Variants in ADAM12 observed in about 807,000 individuals in gnomAD.
The protein encoded by ADAM12 is disintegrin and metalloproteinase domain-containing protein 12.
A neutral mutation model predicts 106.4 loss-of-function variants in ADAM12; 70 were observed. The ratio of observed to expected loss-of-function variants is 0.66; its 90% CI spans 0.54 to 0.80. ADAM12 has a LOEUF of 0.80. ADAM12 is among the 30% of genes least tolerant of loss of function. The pLI, the probability that ADAM12 is intolerant of heterozygous loss-of-function variation, is 0.00. For synonymous variants in ADAM12, 420 were observed against 433.5 expected, an observed-to-expected ratio of 0.97 and a Z score of 0.39; for missense variants, 1,010 against 1,171.9, an observed-to-expected ratio of 0.86 and a Z score of 2.02.
intron 4 of ADAM12, among the ~76,000 whole-genome samples, chr10:126,153,644 T>C (rs1197545180): frequency 6.6e-6 from 1 of 152,192 alleles, no homozygotes; most frequent in Non-Finnish European, 1.5e-5. Context: ...GATGCTTGCG[T>C]ACAACGGCTT....
At chr10:126,307,532 TTTC>T (rs1177607895) in intron 2 of ADAM12, among the ~76,000 whole-genome samples, 2 of 152,046 alleles carry the variant, frequency 1.3e-5, no homozygotes, top group Admixed American at 6.6e-5. Context: ...TTTGTATTTT[TTTC>T]TTTTCTTTTC....
intron 3 of ADAM12, among the ~76,000 whole-genome samples, chr10:126,263,784 T>C (rs557939110): frequency 1.4e-3 from 220 of 152,316 alleles, no homozygotes; most frequent in African/African-American, 5.1e-3. Context: ...AAAATTACTT[T>C]GGAAAAAGCA....
At chr10:126,216,585 G>A (rs1037259999) in intron 3 of ADAM12, among the ~76,000 whole-genome samples, 2 of 152,178 alleles carry the variant, frequency 1.3e-5, no homozygotes, top group Non-Finnish European at 2.9e-5. Flanking sequence ...CTTATCCTCC[G>A]GGATCATAAA....
At chr10:126,356,239 C>G (rs531924220) in intron 1 of ADAM12, among the ~76,000 whole-genome samples, 2 of 152,316 alleles carry the variant, frequency 1.3e-5, no homozygotes, top group African/African-American at 4.8e-5. Flanking sequence ...AATAAAAGTA[C>G]CACCTGGTGA....
chr10:126,384,309 A>G (rs1245315295), intron 1 of ADAM12, among the ~76,000 whole-genome samples: 1 of 152,206 alleles, frequency 6.6e-6, no homozygotes, highest in Non-Finnish European at 1.5e-5. Flanking sequence ...AGCTGAAAGC[A>G]TCCCTGACAT....
chr10:126,199,874 C>G (rs1264236741), intron 3 of ADAM12, among the ~76,000 whole-genome samples: 1 of 152,110 alleles, frequency 6.6e-6, no homozygotes, highest in East Asian at 1.9e-4. Flanking sequence ...CAAACATAGA[C>G]AGTGTGCACC....
intron 5 of ADAM12, among the ~76,000 whole-genome samples, chr10:126,120,010 T>G (rs1372440664): frequency 6.6e-6 from 1 of 152,250 alleles, no homozygotes; most frequent in Non-Finnish European, 1.5e-5. Context: ...TAGTACCTTA[T>G]GTTATTTAGC....
rs190296480 is a variant in ADAM12 at position 126,069,463 on chromosome 10, G to A, written c.1323+2014C>T. ...AACTGCATGCAAGCAGTTTGGCTCT[G>A]TACAAGGAGGGAGTTTGTAATAATC... On this transcript the variant is annotated intron_variant, in intron 12 of 22. Coordinates refer to ENST00000448723, the MANE Select transcript of ADAM12 (RefSeq NM_001288973.2). Among the ~76,000 whole-genome samples, 269 of 152,304 alleles carry A rather than the reference G, an allele frequency of 1.8e-3. 1 individual carries two copies. The highest frequency in any genetic ancestry group is 6.8e-3 in the Middle Eastern group (2 of 294).
At chr10:126,329,002 G>A (rs1052921862) in intron 2 of ADAM12, among the ~76,000 whole-genome samples, 2 of 152,080 alleles carry the variant, frequency 1.3e-5, no homozygotes, top group African/African-American at 4.8e-5. Flanking sequence ...GGCCTGAGCT[G>A]GTCCACCCCA....
chr10:126,051,480 G>A (rs535559635), intron 14 of ADAM12, among the ~76,000 whole-genome samples: 1 of 145,624 alleles, frequency 6.9e-6, no homozygotes, highest in African/African-American at 2.6e-5. Flanking sequence ...CATCCGTCCA[G>A]CCAGCCACCC....
intron 6 of ADAM12, among the ~76,000 whole-genome samples, chr10:126,110,899 T>G (rs1955856876): frequency 6.6e-6 from 1 of 152,250 alleles, no homozygotes; most frequent in South Asian, 2.1e-4. Context: ...TCCTGATGAC[T>G]GATATTGCTG....
intron 5 of ADAM12, among the ~76,000 whole-genome samples, chr10:126,124,785 G>A (rs1003826792): frequency 6.6e-6 from 1 of 150,584 alleles, no homozygotes; most frequent in Non-Finnish European, 1.5e-5. Flanking sequence ...CCATCTACTC[G>A]GGAGGCTGAG....
chr10:126,230,601 A>G (rs573856871), intron 3 of ADAM12, among the ~76,000 whole-genome samples: 7 of 152,336 alleles, frequency 4.6e-5, no homozygotes, highest in Non-Finnish European at 8.8e-5. Flanking sequence ...TGATAGATGA[A>G]AAATATGACC....
chr10:126,239,867 G>C (rs1958489062), intron 3 of ADAM12, among the ~76,000 whole-genome samples: 2 of 152,208 alleles, frequency 1.3e-5, no homozygotes, highest in South Asian at 2.1e-4. Flanking sequence ...CTTGCCCCAT[G>C]ATGGGCAGGT....
chr10:126,314,028 G>A (rs952548938), intron 2 of ADAM12, among the ~76,000 whole-genome samples: 2 of 151,884 alleles, frequency 1.3e-5, no homozygotes, highest in African/African-American at 4.8e-5. Flanking sequence ...CACGGATGGA[G>A]GTCAGGAACA....
intron 3 of ADAM12, among the ~76,000 whole-genome samples, chr10:126,188,970 T>C (rs1590588936): frequency 6.6e-6 from 1 of 152,288 alleles, no homozygotes; most frequent in South Asian, 2.1e-4. Context: ...CTATTCACCA[T>C]CCATCTATCC....
In ADAM12 at chr10:126,380,841, C is replaced by A. The variant is rs550251675; in HGVS notation, c.88+7217G>T. Among the ~76,000 whole-genome samples, 6 of 152,316 alleles carry A rather than the reference C, an allele frequency of 3.9e-5. No homozygotes were observed. In the East Asian group the frequency reaches 1.2e-3, roughly 29 times the overall value. On this transcript the variant is annotated intron_variant, in intron 1 of 22. Transcript: ENST00000448723. ...ACAGCCAAAGGGTTGTAGGGCTTAGCCATTTGGTACAGAAGAAACATCTGA... is the reference window on the plus strand; with the variant it reads ...ACAGCCAAAGGGTTGTAGGGCTTAGACATTTGGTACAGAAGAAACATCTGA...
At position 126,036,180 on chromosome 10, in the gene ADAM12, G is replaced by T. The variant is rs201897440; in HGVS notation, c.2495C>A (p.Pro832His). Residue 832 changes from proline (P) to histidine (H), a missense_variant, in exon 21 of 23, where the codon CCC becomes CAC. This residue lies in a region of ADAM12 where 615 missense variants were observed against 708.5 expected (regional missense o/e 0.87). Transcript: ENST00000448723. ...CCTAAGTGCAGGCTTGGCTGGCAGG[G>T]GTCTGGCAGGGACGCTAGGTGCACG... ...APRAPSVPAR[P>H]LPAKPALRQA... 5.3e-6 allele frequency: 8 copies of T among 1,512,402 alleles called. No individual in the cohort carries two copies. Among genetic ancestry groups the T allele is most frequent in the African/African-American group, 2.9e-5 (2 of 69,198 alleles). 93.7% of individuals were successfully genotyped at this position (1,512,402 alleles called of 1,614,324 possible).
rs1285672505 is a variant in ADAM12 at position 126,015,290 on chromosome 10, T to C, written c.*1989A>G. ...AAACTCAGTTCATATCCTCTTATAA[T>C]TGGAGGAAGGGCTAACATGCCAGAT... On this transcript the variant is annotated 3_prime_UTR_variant, in exon 23 of 23. Transcript: ENST00000448723. 1.3e-5 allele frequency: 2 copies of C among 152,170 alleles called. No homozygotes were observed. Among genetic ancestry groups the C allele is most frequent in the Non-Finnish European group, 2.9e-5 (2 of 68,022 alleles). 9.4% of individuals were successfully genotyped at this position (152,170 alleles called of 1,614,324 possible).
Sources: allele counts gnomAD v4.1 joint callset (sites outside exome capture counted in the v4.1 genomes callset), GRCh38; gene constraint gnomAD v4.1.1; regional missense constraint gnomAD v4.1.1; transcripts MANE v1.5; gene names NCBI Gene and HGNC (gene_info 2026-07-23, HGNC 2026-07-21).